Variants in ATF6 observed in about 807,000 individuals in gnomAD.
ATF6 encodes cyclic AMP-dependent transcription factor ATF-6 alpha.
Under a neutral mutation model 83.6 loss-of-function variants are expected in ATF6, and 53 were observed. The observed-to-expected ratio is 0.63, with a 90% CI of 0.51 to 0.80. The LOEUF (loss-of-function observed/expected upper bound fraction) is 0.80. Ranked by LOEUF, ATF6 falls within the 30% of genes least tolerant of loss-of-function variation. ATF6 has a pLI of 0.00. For missense variants in ATF6, 744 were observed against 797.9 expected, an observed-to-expected ratio of 0.93 and a Z score of 0.81; for synonymous variants, 288 against 285.8, an observed-to-expected ratio of 1.01 and a Z score of -0.08.
At chr1:161,910,262 C>T (rs1307548165) in intron 14 of ATF6, among the ~76,000 whole-genome samples, 1 of 152,038 alleles carries the variant, frequency 6.6e-6, no homozygotes, top group Non-Finnish European at 1.5e-5. Context: ...TGGTAGTATA[C>T]CAGCTTTGGT....
intron 7 of ATF6, among the ~76,000 whole-genome samples, chr1:161,809,611 A>T (rs1296628140): frequency 6.6e-6 from 1 of 152,234 alleles, no homozygotes; most frequent in Non-Finnish European, 1.5e-5. Context: ...TCCTTGAGGA[A>T]TTGCCACACT....
chr1:161,898,303 C>T (rs1045240046), intron 14 of ATF6, among the ~76,000 whole-genome samples: 15 of 152,084 alleles, frequency 9.9e-5, no homozygotes, highest in Non-Finnish European at 2.2e-4. Context: ...CAGGGCTGCT[C>T]CATATGCTTT....
chr1:161,957,465 A>G (rs942344232), intron 15 of ATF6, among the ~76,000 whole-genome samples: 1 of 152,138 alleles, frequency 6.6e-6, no homozygotes, highest in Non-Finnish European at 1.5e-5. Context: ...GAAAAATATT[A>G]TTTATTTTCT....
intron 15 of ATF6, among the ~76,000 whole-genome samples, chr1:161,933,425 A>G (rs1688473606): frequency 6.6e-6 from 1 of 152,254 alleles, no homozygotes; most frequent in Non-Finnish European, 1.5e-5. Context: ...TAAAGTTGTA[A>G]GACACAATTA....
In ATF6 at chr1:161,917,770, T is replaced by C. The variant is rs567233071; in HGVS notation, c.1804+5390T>C. Among the ~76,000 whole-genome samples the C allele has an allele frequency of 5.1e-4, 77 of 152,312 alleles. 2 individuals carry two copies. In the South Asian group the frequency reaches 0.016, roughly 31 times the overall value. On this transcript the variant is annotated intron_variant, in intron 15 of 15. Coordinates refer to ENST00000367942, the MANE Select transcript of ATF6 (RefSeq NM_007348.4). ...GCTCATGAAACAAAGTTAATATACA[T>C]TGAACCATCAGAAAGGGTCAGGTGT...
intron 4 of ATF6, among the ~76,000 whole-genome samples, chr1:161,789,589 T>A (rs1030471184): frequency 4.6e-5 from 7 of 152,198 alleles, no homozygotes; most frequent in Admixed American, 2.6e-4. Context: ...TAATGTTTTT[T>A]AAATTTCTTC....
At chr1:161,809,367 A>G (rs1685392089) in intron 7 of ATF6, among the ~76,000 whole-genome samples, 1 of 152,206 alleles carries the variant, frequency 6.6e-6, no homozygotes, top group Non-Finnish European at 1.5e-5. Flanking sequence ...TACAAAGGAC[A>G]TGAACTTATC....
At chr1:161,780,046 T>C (rs1424216314) in intron 2 of ATF6, among the ~76,000 whole-genome samples, 1 of 152,132 alleles carries the variant, frequency 6.6e-6, no homozygotes, top group Non-Finnish European at 1.5e-5. Context: ...CTAAGGCTGC[T>C]TAATTTTTTG....
chr1:161,957,812 A>T (rs1465752275), intron 15 of ATF6, among the ~76,000 whole-genome samples: 2 of 152,212 alleles, frequency 1.3e-5, no homozygotes, highest in African/African-American at 2.4e-5. Context: ...GATCGCCTCA[A>T]TATGGAAGGG....
At chr1:161,774,533 T>A (rs1684472385) in intron 1 of ATF6, among the ~76,000 whole-genome samples, 1 of 152,176 alleles carries the variant, frequency 6.6e-6, no homozygotes, top group Non-Finnish European at 1.5e-5. Context: ...TGCATGCCTT[T>A]TACACAGACT....
chr1:161,798,148 A>G (rs1426759566), intron 6 of ATF6, among the ~76,000 whole-genome samples: 1 of 152,204 alleles, frequency 6.6e-6, no homozygotes, highest in African/African-American at 2.4e-5. Context: ...TTCAGTGTAT[A>G]CAAAACCCAA....
At chr1:161,891,829 T>C (rs180827697) in intron 14 of ATF6, 1 of 152,196 alleles carries the variant, frequency 6.6e-6, no homozygotes, top group African/African-American at 2.4e-5. Context: ...TCATACTGAA[T>C]CATCTTTTGG....
intron 14 of ATF6, among the ~76,000 whole-genome samples, chr1:161,869,255 T>C (rs1222011452): frequency 6.6e-6 from 1 of 152,028 alleles, no homozygotes; most frequent in Non-Finnish European, 1.5e-5. Context: ...GTTATTTATT[T>C]CTTAGAAATT....
chr1:161,897,321 C>T (rs1045934674), intron 14 of ATF6, among the ~76,000 whole-genome samples: 2 of 151,804 alleles, frequency 1.3e-5, no homozygotes, highest in African/African-American at 4.8e-5. Flanking sequence ...GTAGTCCCAG[C>T]TACTCACAGG....
chr1:161,875,175 C>G (rs968535106), intron 14 of ATF6, among the ~76,000 whole-genome samples: 1 of 151,728 alleles, frequency 6.6e-6, no homozygotes, highest in Non-Finnish European at 1.5e-5. Context: ...CAGCCTCACA[C>G]AGAGATGTAA....
At chr1:161,917,123 G>C (rs1309299490) in intron 15 of ATF6, among the ~76,000 whole-genome samples, 1 of 152,146 alleles carries the variant, frequency 6.6e-6, no homozygotes, top group Non-Finnish European at 1.5e-5. Flanking sequence ...TGAAAGATGA[G>C]GCACTTTCAT....
Position 161,792,284 on chromosome 1 carries a change from A to C in ATF6, c.645A>C (p.Ala215=). The C allele has an allele frequency of 6.2e-7, 1 of 1,614,124 alleles. No individual in the cohort carries two copies. The highest frequency in any genetic ancestry group is 8.5e-7 in the Non-Finnish European group (1 of 1,180,012). The change falls in exon 6 of 16, where the codon GCA becomes GCC. Residue 215 remains alanine (A), a synonymous_variant. Transcript: ENST00000367942. ...IQTVPTLMPL[A]KQQPIISLQP... ...CAGTACCAACGCTTATGCCATTGGC[A>C]AAGCAGCAACCAATTATCAGTTTAC...
In ATF6 at chr1:161,961,164, G is replaced by A. The variant is rs11579627; in HGVS notation, c.*2510G>A. The A allele has an allele frequency of 0.2, 30,544 of 152,230 alleles. 3,845 individuals are homozygous for A. The highest frequency in any genetic ancestry group is 0.27 in the Non-Finnish European group (18,676 of 68,026). The allele number at this position is 152,230 out of a possible 1,614,324, so 9.4% of individuals were successfully genotyped here. A position where few individuals can be genotyped will look rare whatever the true frequency, so the allele number is the denominator to read the frequency against. On this transcript the variant is annotated 3_prime_UTR_variant, in exon 16 of 16. Coordinates refer to ENST00000367942, the MANE Select transcript of ATF6 (RefSeq NM_007348.4). Reference sequence around the variant, plus strand: ...CTTTGGTTATGTCATACTCACCAACGTTAGTCCCTCTCTTCCAGGTGAAAA... The same window carrying A: ...CTTTGGTTATGTCATACTCACCAACATTAGTCCCTCTCTTCCAGGTGAAAA...
chr1:161,800,363 G>T (rs1167503964), intron 6 of ATF6, among the ~76,000 whole-genome samples: 2 of 152,008 alleles, frequency 1.3e-5, no homozygotes, highest in Non-Finnish European at 2.9e-5. Context: ...ATAATTCTCT[G>T]CATGAAACCA....
Sources: allele counts gnomAD v4.1 joint callset (sites outside exome capture counted in the v4.1 genomes callset), GRCh38; gene constraint gnomAD v4.1.1; transcripts MANE v1.5; gene names NCBI Gene and HGNC (gene_info 2026-07-23, HGNC 2026-07-21).